N4BP2L2: variants seen among roughly 807,000 people sequenced by gnomAD.
N4BP2L2 encodes the protein NEDD4 binding protein 2 like 2, also known as NEDD4-binding protein 2-like 2.
Under a neutral mutation model 56.2 loss-of-function variants are expected in N4BP2L2, and 50 were observed. The observed-to-expected ratio is 0.89, with a 90% CI of 0.71 to 1.13. The LOEUF (loss-of-function observed/expected upper bound fraction) is 1.13. Ranked by LOEUF, N4BP2L2 falls within the 50% of genes most tolerant of loss-of-function variation. The pLI, the probability that N4BP2L2 is intolerant of heterozygous loss-of-function variation, is 0.00. For synonymous variants in N4BP2L2, 203 were observed against 223.6 expected, an observed-to-expected ratio of 0.91 and a Z score of 0.82; for missense variants, 689 against 693.8, an observed-to-expected ratio of 0.99 and a Z score of 0.08.
At chr13:32,458,640 T>C (rs1342191056) in intron 6 of N4BP2L2, among the ~76,000 whole-genome samples, 1 of 152,170 alleles carries the variant, frequency 6.6e-6, no homozygotes, top group Admixed American at 6.5e-5. Flanking sequence ...TATATAAAGC[T>C]AATATTATTA....
chr13:32,522,371 A>G (rs2051223348), intron 3 of N4BP2L2, 101 bp from the exon 4 acceptor site: 1 of 668,672 alleles, frequency 1.5e-6, no homozygotes, highest in African/African-American at 1.9e-5. Context: ...CTCTGTACTT[A>G]AAACCAAAAC....
intron 1 of N4BP2L2, among the ~76,000 whole-genome samples, chr13:32,538,051 A>G (rs897836732): frequency 2.0e-4 from 24 of 120,234 alleles, no homozygotes; most frequent in African/African-American, 7.1e-4. Flanking sequence ...CGCCTGGGCG[A>G]CAGAGGGAGA....
At position 32,527,548 on chromosome 13, in the gene N4BP2L2, A is replaced by C. The variant is rs1245678539; in HGVS notation, c.1260-16T>G. On this transcript the variant is annotated splice_polypyrimidine_tract_variant and intron_variant, in intron 2 of 5. Transcript: ENST00000267068. ...AAGCAGAATTCTGTTAATAAAAGAA[A>C]TCATAAAGGTGCCATTTACAAAATC... The C allele has an allele frequency of 6.2e-7, 1 of 1,608,182 alleles. No homozygotes were observed. Among genetic ancestry groups the C allele is most frequent in the South Asian group, 1.1e-5 (1 of 90,738 alleles).
chr13:32,505,071 T>C (rs532293015), intron 6 of N4BP2L2: 9 of 152,304 alleles, frequency 5.9e-5, no homozygotes, highest in African/African-American at 1.7e-4. Flanking sequence ...CCCTAAGAAG[T>C]AGCCTACCTT....
intron 6 of N4BP2L2, among the ~76,000 whole-genome samples, chr13:32,492,429 C>A (rs995490742): frequency 8.6e-5 from 13 of 151,910 alleles, no homozygotes; most frequent in Admixed American, 3.9e-4. Context: ...ACTACAGGCA[C>A]CCCAGACAAA....
chr13:32,446,627 T>A, intron 6 of N4BP2L2: 1 of 924,386 alleles, frequency 1.1e-6, no homozygotes, highest in South Asian at 1.6e-5. Flanking sequence ...ATAGTCACTG[T>A]CCCTCAGAAC....
intron 6 of N4BP2L2, among the ~76,000 whole-genome samples, chr13:32,468,018 T>A (rs2081550721): frequency 6.6e-6 from 1 of 151,990 alleles, no homozygotes; most frequent in Non-Finnish European, 1.5e-5. Context: ...AAATAATGCA[T>A]TTGCTTTTAG....
At chr13:32,503,497 G>A (rs1193731368) in intron 6 of N4BP2L2, among the ~76,000 whole-genome samples, 2 of 152,064 alleles carry the variant, frequency 1.3e-5, no homozygotes, top group Admixed American at 6.6e-5. Flanking sequence ...CCTTCATAAA[G>A]CTATATATTC....
intron 9 of N4BP2L2, among the ~76,000 whole-genome samples, chr13:32,435,637 G>A (rs1244240366): frequency 6.6e-6 from 1 of 152,032 alleles, no homozygotes; most frequent in Non-Finnish European, 1.5e-5. Flanking sequence ...TTTTTCTAGT[G>A]GCCCCTGCAA....
exon 6 of N4BP2L2, chr13:32,515,133 C>G (rs1240547747): frequency 1.4e-5 from 2 of 138,952 alleles, no homozygotes; most frequent in African/African-American, 2.9e-5. Context: ...GAGAAAGACT[C>G]TGTCTCAAAA....
At chr13:32,524,917 C>T (rs891610974) in intron 3 of N4BP2L2, 1 of 152,172 alleles carries the variant, frequency 6.6e-6, no homozygotes, top group African/African-American at 2.4e-5. Flanking sequence ...TGTGCACCAC[C>T]ACACCTGGCT....
At chr13:32,486,976 G>T (rs759174542) in intron 6 of N4BP2L2, among the ~76,000 whole-genome samples, 7 of 152,094 alleles carry the variant, frequency 4.6e-5, no homozygotes, top group Non-Finnish European at 8.8e-5. Context: ...TCCAGCCTGG[G>T]CTACAGAGCG....
intron 6 of N4BP2L2, chr13:32,477,772 G>T: frequency 1.2e-6 from 1 of 834,250 alleles, no homozygotes; most frequent in Non-Finnish European, 1.7e-6. Context: ...TGTTCCAATT[G>T]GGCCTGACCA....
At chr13:32,448,567 C>G (rs1232818407) in intron 6 of N4BP2L2, among the ~76,000 whole-genome samples, 3 of 152,060 alleles carry the variant, frequency 2.0e-5, no homozygotes, top group African/African-American at 7.2e-5. Flanking sequence ...GAGTGTACCT[C>G]TCAGGAATTA....
intron 9 of N4BP2L2, among the ~76,000 whole-genome samples, chr13:32,434,582 A>G (rs1424937828): frequency 6.6e-6 from 1 of 152,156 alleles, no homozygotes; most frequent in African/African-American, 2.4e-5. Context: ...CCACTGCCGT[A>G]AAGGAGTGCC....
At chr13:32,534,093 C>T (rs1419853698) in intron 2 of N4BP2L2, among the ~76,000 whole-genome samples, 1 of 152,154 alleles carries the variant, frequency 6.6e-6, no homozygotes, top group African/African-American at 2.4e-5. Context: ...TTAGCCTCTG[C>T]TCCTTCTATA....
At chr13:32,476,536 G>A (rs2139041322) in intron 6 of N4BP2L2, among the ~76,000 whole-genome samples, 1 of 152,260 alleles carries the variant, frequency 6.6e-6, no homozygotes, top group South Asian at 2.1e-4. Context: ...AATTTAGAAT[G>A]ATCTCAGGCT....
chr13:32,480,209 G>A (rs1490862566), intron 6 of N4BP2L2, among the ~76,000 whole-genome samples: 3 of 152,092 alleles, frequency 2.0e-5, no homozygotes, highest in African/African-American at 7.2e-5. Flanking sequence ...AGAAGACAGT[G>A]GAATAATTTC....
chr13:32,526,059 A>T (rs1386695399), intron 3 of N4BP2L2, among the ~76,000 whole-genome samples: 1 of 151,798 alleles, frequency 6.6e-6, no homozygotes, highest in African/African-American at 2.4e-5. Flanking sequence ...TGTTGAACCT[A>T]ATCAAGCCTC....
Sources: gnomAD v4.1 joint callset for allele counts (sites outside exome capture counted in the v4.1 genomes callset) on GRCh38, gnomAD v4.1.1 for gene constraint, MANE v1.5 for transcripts, NCBI Gene and HGNC (gene_info 2026-07-23, HGNC 2026-07-21) for gene names.